The following GATAD1 variants were observed in gnomAD, a reference collection of about 807,000 sequenced individuals.
GATAD1 encodes GATA zinc finger domain-containing protein 1.
Under a neutral mutation model 26.5 loss-of-function variants are expected in GATAD1, and 12 were observed. That is an observed-to-expected ratio of 0.45 (90% CI 0.29 to 0.73). The LOEUF (loss-of-function observed/expected upper bound fraction) is 0.73. Among genes scored for constraint, GATAD1 ranks in the 30% least tolerant of loss-of-function variants. The probability of loss-of-function intolerance (pLI) is 0.10; values close to 1 mark genes in which losing one functional copy is unlikely to be tolerated. For missense variants in GATAD1, 266 were observed against 342.1 expected (o/e 0.78, Z 1.75); for synonymous variants, 129 against 133.1 (o/e 0.97, Z 0.21).
At chr7:92,495,637 A>G in the GATAD1 span, among the ~76,000 whole-genome samples, 1 of 152,062 alleles carries the variant, frequency 6.6e-6, no homozygotes, top group East Asian at 1.9e-4. Context: ...CATTTCTGGG[A>G]TATCTTTAGC....
downstream of GATAD1, among the ~76,000 whole-genome samples, chr7:92,463,321 GAATGTACTT>G (rs1029285171): frequency 1.8e-4 from 28 of 152,232 alleles, no homozygotes; most frequent in African/African-American, 6.7e-4. Flanking sequence ...TCAACATGAT[GAATGTACTT>G]AATGACACTA....
At chr7:92,475,540 C>T in the GATAD1 span, among the ~76,000 whole-genome samples, 5 of 152,250 alleles carry the variant, frequency 3.3e-5, no homozygotes, top group African/African-American at 1.2e-4. Context: ...GGTCCTTTAC[C>T]AGCGTGCCCA....
At chr7:92,480,903 T>C in the GATAD1 span, among the ~76,000 whole-genome samples, 6 of 152,128 alleles carry the variant, frequency 3.9e-5, no homozygotes, top group African/African-American at 1.2e-4. Flanking sequence ...GACCCTTGCG[T>C]AGTGAGGAAA....
intron 1 of GATAD1, among the ~76,000 whole-genome samples, 180 bp from the exon 2 acceptor site, chr7:92,448,572 T>C (rs1789276507): frequency 6.6e-6 from 1 of 152,166 alleles, no homozygotes; most frequent in African/African-American, 2.4e-5. Context: ...GTGCTGAACT[T>C]CCGGTTTTAC....
chr7:92,448,609 C>T, intron 1 of GATAD1, 143 bp from the exon 2 acceptor site: 1 of 707,108 alleles, frequency 1.4e-6, no homozygotes, highest in Non-Finnish European at 2.4e-6. Context: ...AATTACTTCT[C>T]TTGAAAAGCA....
chr7:92,447,673 C>A lies in GATAD1; in HGVS notation c.-57C>A. ...GCGGGCCGACCAGGGGGCGGCCGGG[C>A]TACCGTCCGCCATTCCCGTGTCTCT... On this transcript the variant is annotated 5_prime_UTR_variant, in exon 1 of 5. Coordinates refer to ENST00000287957, the MANE Select transcript of GATAD1 (RefSeq NM_021167.5). 7.3e-7 allele frequency: 1 copy of A among 1,365,812 alleles called. No individual in the cohort carries two copies. Among genetic ancestry groups the A allele is most frequent in the South Asian group, 1.7e-5 (1 of 60,226 alleles). The allele number at this position is 1,365,812 out of a possible 1,614,324, so 84.6% of individuals were successfully genotyped here.
the GATAD1 span, chr7:92,471,813 TC>T: frequency 6.6e-6 from 1 of 152,234 alleles, no homozygotes; most frequent in Non-Finnish European, 1.5e-5. Context: ...AGTTAGGAAT[TC>T]CCTTTCTTTC....
the GATAD1 span, among the ~76,000 whole-genome samples, chr7:92,481,550 G>A: frequency 6.6e-6 from 1 of 152,160 alleles, no homozygotes; most frequent in Non-Finnish European, 1.5e-5. Flanking sequence ...GGACAAAAAG[G>A]CTACAGGGCA....
Position 92,458,886 on chromosome 7 carries a change from T to C in GATAD1, c.*2324T>C, listed in dbSNP as rs1326397144. 1 of 152,214 alleles carries C rather than the reference T, an allele frequency of 6.6e-6. No homozygotes were observed. The highest frequency in any genetic ancestry group is 2.4e-5 in the African/African-American group (1 of 41,446). 9.4% of individuals were successfully genotyped at this position (152,214 alleles called of 1,614,324 possible). A position where few individuals can be genotyped will look rare whatever the true frequency, so the allele number is the denominator to read the frequency against. ...TTTAAACAATTTAAATGGGGCTCTT[T>C]AACCAAAAATGGTATTTAAAACCAA... is the stretch of plus-strand genomic sequence containing the variant. On this transcript the variant is annotated 3_prime_UTR_variant, in exon 5 of 5. Coordinates refer to ENST00000287957, the MANE Select transcript of GATAD1 (RefSeq NM_021167.5).
chr7:92,467,128 G>T, the GATAD1 span, among the ~76,000 whole-genome samples: 1 of 152,058 alleles, frequency 6.6e-6, no homozygotes, highest in African/African-American at 2.4e-5. Flanking sequence ...AACCAGCCTG[G>T]CCAACATGAT....
At chr7:92,465,415 T>G in the GATAD1 span, among the ~76,000 whole-genome samples, 1 of 151,752 alleles carries the variant, frequency 6.6e-6, no homozygotes, top group Non-Finnish European at 1.5e-5. Context: ...GTCAGGAGTT[T>G]GAGACCAGCC....
the GATAD1 span, chr7:92,492,960 C>T: frequency 1.2e-6 from 2 of 1,612,692 alleles, no homozygotes; most frequent in Non-Finnish European, 1.7e-6. Context: ...TGCCTGGAGT[C>T]CACTCGAGAG....
chr7:92,463,738 G>A (rs1041960047), downstream of GATAD1, among the ~76,000 whole-genome samples: 1 of 151,760 alleles, frequency 6.6e-6, no homozygotes, highest in Non-Finnish European at 1.5e-5. Flanking sequence ...GGAGGCCAAG[G>A]CAGGCAGATC....
chr7:92,491,436 C>T, the GATAD1 span: 2 of 1,613,818 alleles, frequency 1.2e-6, no homozygotes, highest in Non-Finnish European at 1.7e-6. Context: ...TCGTCAGAGC[C>T]ACTGCTATGG....
At position 92,447,937 on chromosome 7, in the gene GATAD1, G is replaced by A; in HGVS notation, c.208G>A (p.Ala70Thr). 1.6e-6 allele frequency: 2 copies of A among 1,241,180 alleles called. No homozygotes were observed. The highest frequency in any genetic ancestry group is 2.0e-6 in the Non-Finnish European group (2 of 994,882). The allele number at this position is 1,241,180 out of a possible 1,614,324, so 76.9% of individuals were successfully genotyped here. A position where few individuals can be genotyped will look rare whatever the true frequency, so the allele number is the denominator to read the frequency against. The part of the protein sequence containing the change: ...FGAATFASTS[A>T]TPPQSNGGGG... ...CGCGGCGACCTTCGCCAGCACCTCCGCCACCCCTCCGCAGAGCAACGGGGG... is the reference window on the plus strand; with the variant it reads ...CGCGGCGACCTTCGCCAGCACCTCCACCACCCCTCCGCAGAGCAACGGGGG... The change falls in exon 1 of 5, where the codon GCC becomes ACC. Residue 70 changes from alanine to threonine, a missense_variant. Ala to Thr is a moderately conservative substitution (Grantham distance 58). Transcript: ENST00000287957.
chr7:92,454,694 G>T lies in GATAD1; in HGVS notation c.619+9G>T. The T allele has an allele frequency of 1.9e-6, 3 of 1,561,098 alleles. No homozygotes were observed. Among genetic ancestry groups the T allele is most frequent in the South Asian group, 2.4e-5 (2 of 83,644 alleles). ...CGCCTCCTATATCATAGGTAAGTTT[G>T]ACAAATGGCACAGGTTTTTTTTTAA... On this transcript the variant is annotated intron_variant, in intron 4 of 4. Coordinates refer to ENST00000287957, the MANE Select transcript of GATAD1 (RefSeq NM_021167.5).
At chr7:92,462,190 A>G (rs1235922180), downstream of GATAD1, among the ~76,000 whole-genome samples, 2 of 152,242 alleles carry the variant, frequency 1.3e-5, no homozygotes, top group Non-Finnish European at 2.9e-5. Flanking sequence ...AAAGTTGTGA[A>G]AAACCAGAAA....
chr7:92,454,786 TCA>T, intron 4 of GATAD1, 101 bp downstream of exon 4: 1 of 769,914 alleles, frequency 1.3e-6, no homozygotes, highest in Non-Finnish European at 2.1e-6. Context: ...GGACAAAATA[TCA>T]CAGACTGAGT....
the GATAD1 span, among the ~76,000 whole-genome samples, chr7:92,491,836 G>C: frequency 2.0e-5 from 3 of 152,078 alleles, no homozygotes; most frequent in Admixed American, 6.5e-5. Flanking sequence ...CCATGTTATA[G>C]AGTGCTTTCT....
Sources: allele counts gnomAD v4.1 joint callset (sites outside exome capture counted in the v4.1 genomes callset), GRCh38; gene constraint gnomAD v4.1.1; transcripts MANE v1.5; gene names NCBI Gene and HGNC (gene_info 2026-07-23, HGNC 2026-07-21).